The following NARS2 variants were observed in gnomAD, a reference collection of about 807,000 sequenced individuals.
The protein encoded by NARS2 is asparaginyl-tRNA synthetase 2, mitochondrial, also known as asparaginyl-tRNA synthetase.
A neutral mutation model predicts 62.9 loss-of-function variants in NARS2; 60 were observed. The observed-to-expected ratio is 0.95, with a 90% CI of 0.77 to 1.18. The LOEUF is 1.18. Ranked by LOEUF, NARS2 falls within the 50% of genes most tolerant of loss-of-function variation. The pLI, the probability that NARS2 is intolerant of heterozygous loss-of-function variation, is 0.00. For missense variants in NARS2, 619 were observed against 576.4 expected, an observed-to-expected ratio of 1.07 and a Z score of -0.76; for synonymous variants, 196 against 200.0, an observed-to-expected ratio of 0.98 and a Z score of 0.17.
At chr11:78,468,541 A>C (rs1232072398) in intron 10 of NARS2, among the ~76,000 whole-genome samples, 1 of 150,726 alleles carries the variant, frequency 6.6e-6, no homozygotes, top group Middle Eastern at 3.2e-3. Flanking sequence ...AGTAGCTGGG[A>C]CTACAGGCGC....
At chr11:78,531,035 T>C (rs912194933) in intron 5 of NARS2, among the ~76,000 whole-genome samples, 3 of 152,092 alleles carry the variant, frequency 2.0e-5, no homozygotes, top group African/African-American at 4.8e-5. Flanking sequence ...AGAGGGTATA[T>C]AAAATATTGG....
intron 13 of NARS2, among the ~76,000 whole-genome samples, chr11:78,437,694 C>T (rs1401002374): frequency 1.3e-5 from 2 of 151,972 alleles, no homozygotes; most frequent in African/African-American, 4.8e-5. Flanking sequence ...ACAAGTTTAT[C>T]GGCCGGGTGT....
At chr11:78,456,501 C>T (rs541702299) in intron 11 of NARS2, among the ~76,000 whole-genome samples, 9 of 152,196 alleles carry the variant, frequency 5.9e-5, no homozygotes, top group Admixed American at 2.0e-4. Context: ...GTTGGTGGCT[C>T]GAGCTATTTT....
At chr11:78,479,549 T>C (rs192949013) in intron 7 of NARS2, among the ~76,000 whole-genome samples, 138 of 152,302 alleles carry the variant, frequency 9.1e-4, no homozygotes, top group African/African-American at 2.7e-3. Flanking sequence ...TGGGTGCCCA[T>C]AGGAGACTCA....
In NARS2 at chr11:78,574,468, C is replaced by T; in HGVS notation, c.21G>A (p.Leu7=). The T allele has an allele frequency of 6.2e-7, 1 of 1,613,208 alleles. No homozygotes were observed. MLGVRC[L]LRSVRFCSSA... ...AGGAACAGAAGCGCACGGACCGCAG[C>T]AGGCAGCGGACCCCCAGCATCCCGC... The change falls in exon 1 of 14, where the codon CTG becomes CTA. Residue 7 remains leucine (L), a synonymous_variant. Coordinates refer to ENST00000281038, the MANE Select transcript of NARS2 (RefSeq NM_024678.6).
At chr11:78,571,467 A>G (rs751851396) in intron 1 of NARS2, 23 bp from the exon 2 acceptor site, 25 of 1,537,618 alleles carry the variant, frequency 1.6e-5, no homozygotes, top group Middle Eastern at 1.7e-4. Flanking sequence ...AATATTTCCA[A>G]TGTGAGCGTA....
chr11:78,483,258 T>C (rs540765818), intron 7 of NARS2, among the ~76,000 whole-genome samples: 13 of 152,218 alleles, frequency 8.5e-5, no homozygotes, highest in African/African-American at 3.1e-4. Flanking sequence ...TAAGAGCTAT[T>C]TATGACAAAC....
intron 6 of NARS2, among the ~76,000 whole-genome samples, chr11:78,506,658 C>T (rs1157896138): frequency 6.6e-6 from 1 of 152,230 alleles, no homozygotes; most frequent in Non-Finnish European, 1.5e-5. Context: ...TCTCAGCCTC[C>T]TGAGTAGCTG....
intron 7 of NARS2, among the ~76,000 whole-genome samples, chr11:78,481,243 G>A (rs1224705932): frequency 6.6e-6 from 1 of 152,206 alleles, no homozygotes; most frequent in Non-Finnish European, 1.5e-5. Flanking sequence ...GAATCCAATG[G>A]GGAGGGTGAG....
rs539954389 is a variant in NARS2, at chr11:78,511,772, C to T, written c.689+17070G>A. ...ACATGTATTTAAAATATATTTAAAA[C>T]GATGTATTTTAAATGGGTTCATTTT... On this transcript the variant is annotated intron_variant, in intron 6 of 13. Transcript: ENST00000281038. Among the ~76,000 whole-genome samples, 227 of 150,674 alleles carry T rather than the reference C, an allele frequency of 1.5e-3. 1 individual carries two copies. The highest frequency in any genetic ancestry group is 2.3e-3 in the Non-Finnish European group (156 of 67,710).
intron 6 of NARS2, among the ~76,000 whole-genome samples, chr11:78,528,544 T>C (rs904512072): frequency 2.6e-5 from 4 of 152,242 alleles, no homozygotes; most frequent in Non-Finnish European, 5.9e-5. Context: ...AGGTATAAAC[T>C]ATAAATTGCC....
chr11:78,552,101 G>A (rs1218424151), intron 5 of NARS2, among the ~76,000 whole-genome samples: 1 of 152,130 alleles, frequency 6.6e-6, no homozygotes, highest in Admixed American at 6.5e-5. Context: ...CAGGTATTAA[G>A]CTCAGTACCC....
intron 5 of NARS2, chr11:78,546,709 T>A (rs934657386): frequency 6.6e-6 from 1 of 152,196 alleles, no homozygotes; most frequent in African/African-American, 2.4e-5. Context: ...TGCCCCAATC[T>A]TACCAATTTG....
intron 7 of NARS2, among the ~76,000 whole-genome samples, chr11:78,482,528 C>A: frequency 6.6e-6 from 1 of 151,964 alleles, no homozygotes. Context: ...AGAGAAGAAT[C>A]AAATAGACAC....
Position 78,436,450 on chromosome 11 carries a change from G to A in NARS2, c.*220C>T, listed in dbSNP as rs1857412398. 1 of 493,926 alleles carries A rather than the reference G, an allele frequency of 2.0e-6. No homozygotes were observed. The highest frequency in any genetic ancestry group is 3.6e-6 in the Non-Finnish European group (1 of 277,526). 30.6% of individuals were successfully genotyped at this position (493,926 alleles called of 1,614,324 possible). On this transcript the variant is annotated 3_prime_UTR_variant, in exon 14 of 14. Transcript: ENST00000281038. ...AGGTAATGGATTTGAGAGTCCCCTT[G>A]CTATAAGTACCTCTTCTTGCGGGAG...
At chr11:78,462,460 G>A (rs1273755170) in intron 11 of NARS2, among the ~76,000 whole-genome samples, 1 of 152,106 alleles carries the variant, frequency 6.6e-6, no homozygotes, top group East Asian at 1.9e-4. Flanking sequence ...AAAATAAATG[G>A]CTAAAAAGTA....
chr11:78,437,317 A>T (rs1857438963), intron 13 of NARS2, among the ~76,000 whole-genome samples: 2 of 152,190 alleles, frequency 1.3e-5, no homozygotes, highest in Non-Finnish European at 2.9e-5. Context: ...ACTGTGCTTC[A>T]TTCAACTTTT....
intron 11 of NARS2, among the ~76,000 whole-genome samples, chr11:78,463,319 C>T (rs537774256): frequency 9.2e-5 from 14 of 152,262 alleles, no homozygotes; most frequent in Middle Eastern, 6.8e-3. Context: ...CTTGGACTAC[C>T]AAAGTGCTAG....
intron 11 of NARS2, among the ~76,000 whole-genome samples, chr11:78,464,329 A>G (rs575300295): frequency 6.6e-6 from 1 of 152,262 alleles, no homozygotes; most frequent in East Asian, 1.9e-4. Flanking sequence ...GCGAAAGAAC[A>G]AAACTTCCAC....
Sources: gnomAD v4.1 joint callset for allele counts (sites outside exome capture counted in the v4.1 genomes callset) on GRCh38, gnomAD v4.1.1 for gene constraint, MANE v1.5 for transcripts, NCBI Gene and HGNC (gene_info 2026-07-23, HGNC 2026-07-21) for gene names.